AGO3: variants seen among roughly 807,000 people sequenced by gnomAD.
The protein encoded by AGO3 is argonaute RISC catalytic component 3.
Under a neutral mutation model 105.5 loss-of-function variants are expected in AGO3, and 16 were observed. That is an observed-to-expected ratio of 0.15 (90% confidence interval 0.10 to 0.23). The LOEUF is 0.23. AGO3 is among the 10% of genes least tolerant of loss of function. The pLI, the probability that AGO3 is intolerant of heterozygous loss-of-function variation, is 1.00. For synonymous variants in AGO3, 340 were observed against 367.3 expected (o/e 0.93, Z 0.85); for missense variants, 534 against 1,088.0 (o/e 0.49, Z 7.16).
At chr1:35,990,842 T>G (rs979920569) in intron 5 of AGO3, among the ~76,000 whole-genome samples, 5 of 152,198 alleles carry the variant, frequency 3.3e-5, no homozygotes, top group Non-Finnish European at 5.9e-5. Flanking sequence ...AATATTCAAA[T>G]TAGTCCTTTC....
At chr1:35,985,910 G>A (rs1331197562) in intron 5 of AGO3, among the ~76,000 whole-genome samples, 2 of 152,216 alleles carry the variant, frequency 1.3e-5, no homozygotes, top group South Asian at 2.1e-4. Flanking sequence ...CTCAAAATAG[G>A]AAATGCATAT....
At chr1:36,022,922 AAAAAAAAAAAC>A (rs761081104) in intron 11 of AGO3, among the ~76,000 whole-genome samples, 5,520 of 34,650 alleles carry the variant, frequency 0.16, 306 homozygotes, top group African/African-American at 0.24. Flanking sequence ...ACTCCGTCTC[AAAAAAAAAAAC>A]AAAAAAAAAA....
intron 2 of AGO3, among the ~76,000 whole-genome samples, chr1:35,955,409 A>G (rs1277840960): frequency 6.6e-6 from 1 of 152,204 alleles, no homozygotes; most frequent in East Asian, 1.9e-4. Context: ...CTGTTTTAAT[A>G]TGTAACTGTA....
intron 17 of AGO3, among the ~76,000 whole-genome samples, chr1:36,049,994 C>T (rs1642638448): frequency 6.6e-6 from 1 of 152,184 alleles, no homozygotes. Context: ...CCACTGTCAG[C>T]GCTTGACAGA....
rs774495742 is a variant in AGO3 at position 36,055,756 on chromosome 1, TATA to T, written c.*12_*14del. 1.1e-4 allele frequency: 182 copies of T among 1,612,226 alleles called. 1 individual carries two copies. The highest frequency in any genetic ancestry group is 5.9e-6 in the Non-Finnish European group (7 of 1,178,428). ...ATGTACTTCGCTTAAATAGTCCAAG[TATA>T]TTCTCTGAGAGGAAGTACTGAAAGA... On this transcript the variant is annotated 3_prime_UTR_variant, in exon 19 of 19. Transcript: ENST00000373191. The surrounding 1 kb of genome is among the most constrained non-coding windows in gnomAD (Gnocchi z 4.4).
intron 2 of AGO3, among the ~76,000 whole-genome samples, chr1:35,953,316 C>G (rs1195623051): frequency 6.6e-6 from 1 of 152,064 alleles, no homozygotes; most frequent in African/African-American, 2.4e-5. Context: ...TACATTCCCA[C>G]TAGCAGTGTA....
intron 16 of AGO3, 50 bp from the exon 17 acceptor site, chr1:36,043,397 A>G: frequency 6.9e-7 from 1 of 1,452,122 alleles, no homozygotes; most frequent in Non-Finnish European, 9.6e-7. Context: ...GCTTTCAGAT[A>G]TATTTTTACC....
intron 9 of AGO3, 32 bp downstream of exon 9, chr1:36,009,626 A>G (rs755034886): frequency 6.3e-7 from 1 of 1,598,160 alleles, no homozygotes; most frequent in Non-Finnish European, 8.5e-7. Flanking sequence ...TGAGAATTTA[A>G]AACATATTAG....
chr1:36,010,454 A>G (rs951405366), intron 9 of AGO3, among the ~76,000 whole-genome samples: 2 of 151,908 alleles, frequency 1.3e-5, no homozygotes, highest in Non-Finnish European at 2.9e-5. Flanking sequence ...AAACGCAAAA[A>G]TCAGTGGGGC....
chr1:35,988,606 G>T (rs1446641508), intron 5 of AGO3, among the ~76,000 whole-genome samples: 1 of 151,666 alleles, frequency 6.6e-6, no homozygotes, highest in East Asian at 1.9e-4. Flanking sequence ...CAAATGACAA[G>T]ACTTCCTTCT....
At chr1:35,968,715 A>T (rs917832234) in intron 3 of AGO3, among the ~76,000 whole-genome samples, 9 of 152,222 alleles carry the variant, frequency 5.9e-5, no homozygotes, top group African/African-American at 2.2e-4. Flanking sequence ...ATGTAAAAGT[A>T]TTGAACTCTG....
chr1:36,015,867 A>C (rs1353012904), intron 11 of AGO3, among the ~76,000 whole-genome samples: 1 of 152,238 alleles, frequency 6.6e-6, no homozygotes, highest in Non-Finnish European at 1.5e-5. Flanking sequence ...TGTTAAAATA[A>C]AAACTTCAGA....
At chr1:36,011,733 A>G (rs1258473889) in intron 9 of AGO3, among the ~76,000 whole-genome samples, 1 of 152,238 alleles carries the variant, frequency 6.6e-6, no homozygotes, top group Admixed American at 6.5e-5. Flanking sequence ...TAGACACTCT[A>G]GAATCAGAAT....
intron 16 of AGO3, chr1:36,043,166 A>T (rs1048002212): frequency 6.2e-5 from 18 of 289,322 alleles, no homozygotes; most frequent in African/African-American, 2.2e-4. Flanking sequence ...TTTAAAAAAA[A>T]TTTTTTTTAG....
At chr1:35,948,525 C>T (rs572253732) in intron 2 of AGO3, among the ~76,000 whole-genome samples, 1 of 142,690 alleles carries the variant, frequency 7.0e-6, no homozygotes, top group South Asian at 2.3e-4. Context: ...AGCCACTGTG[C>T]CCGGCCGGAA....
At chr1:36,014,856 A>C (rs1640820389) in intron 11 of AGO3, among the ~76,000 whole-genome samples, 1 of 152,024 alleles carries the variant, frequency 6.6e-6, no homozygotes, top group Admixed American at 6.6e-5. Flanking sequence ...TCTATTAGAC[A>C]TCCTTATAGA....
intron 5 of AGO3, among the ~76,000 whole-genome samples, chr1:35,977,391 A>AT (rs35048209): frequency 0.013 from 1,629 of 128,310 alleles, 43 homozygotes; most frequent in East Asian, 0.084. Context: ...CGTTATTATG[A>AT]TTTTTTTTTT....
intron 5 of AGO3, among the ~76,000 whole-genome samples, chr1:36,003,709 A>AAAAAAAAATATAT (rs1295618675): frequency 1.3e-4 from 13 of 99,428 alleles, no homozygotes; most frequent in East Asian, 1.2e-3. Context: ...AAAAAAAAAA[A>AAAAAAAAATATAT]ATATATATAT....
At position 36,055,816 on chromosome 1, in the gene AGO3, A is replaced by T; in HGVS notation, c.*71A>T. 6 of 1,490,430 alleles carry T rather than the reference A, an allele frequency of 4.0e-6. No homozygotes were observed. The highest frequency in any genetic ancestry group is 4.6e-6 in the Non-Finnish European group (5 of 1,077,226). The allele number at this position is 1,490,430 out of a possible 1,614,324, so 92.3% of individuals were successfully genotyped here. On this transcript the variant is annotated 3_prime_UTR_variant, in exon 19 of 19. Coordinates refer to ENST00000373191, the MANE Select transcript of AGO3 (RefSeq NM_024852.4). The surrounding 1 kb of genome is among the most constrained non-coding windows in gnomAD (Gnocchi z 4.4). ...GACATACAACGTATGTTTCCAGTGAAGTCAATTGAGTAAGGACACCTCCAG... is the reference window on the plus strand; with the variant it reads ...GACATACAACGTATGTTTCCAGTGATGTCAATTGAGTAAGGACACCTCCAG...
Sources: allele counts gnomAD v4.1 joint callset (sites outside exome capture counted in the v4.1 genomes callset), GRCh38; gene constraint gnomAD v4.1.1; non-coding constraint Gnocchi (gnomAD v3.1); transcripts MANE v1.5; gene names NCBI Gene and HGNC (gene_info 2026-07-23, HGNC 2026-07-21).